The following LAPTM5 variants were observed in gnomAD, a reference collection of about 807,000 sequenced individuals.
The protein encoded by LAPTM5 is lysosomal-associated transmembrane protein 5.
LAPTM5 carries 11 observed loss-of-function variants against 30.1 expected under a neutral mutation model. The observed-to-expected ratio is 0.37, with a 90% CI of 0.23 to 0.60. The LOEUF is 0.60. Ranked by LOEUF, LAPTM5 falls within the 20% of genes least tolerant of loss-of-function variation. The probability of loss-of-function intolerance (pLI) is 0.71; values close to 1 mark genes in which losing one functional copy is unlikely to be tolerated. For missense variants in LAPTM5, 324 were observed against 332.5 expected, an observed-to-expected ratio of 0.97 and a Z score of 0.20; for synonymous variants, 151 against 137.9, an observed-to-expected ratio of 1.10 and a Z score of -0.67.
intron 1 of LAPTM5, among the ~76,000 whole-genome samples, chr1:30,755,453 TG>T (rs1270061840): frequency 6.6e-6 from 1 of 152,100 alleles, no homozygotes; most frequent in Non-Finnish European, 1.5e-5. Flanking sequence ...GTCTCTATTG[TG>T]TCCCTGTAGA....
chr1:30,737,493 G>C (rs552879897), intron 6 of LAPTM5, 111 bp downstream of exon 6: 5 of 692,886 alleles, frequency 7.2e-6, no homozygotes, highest in African/African-American at 1.8e-5. Flanking sequence ...AAGCAGGAGA[G>C]GAGGCATGGA....
chr1:30,738,521 A>G (rs1165879272), intron 5 of LAPTM5, among the ~76,000 whole-genome samples: 1 of 152,216 alleles, frequency 6.6e-6, no homozygotes, highest in Non-Finnish European at 1.5e-5. Flanking sequence ...CCTGAGTCAG[A>G]AGAACCCAGC....
Position 30,738,954 on chromosome 1 carries a change from A to C in LAPTM5, c.496T>G (p.Ser166Ala). ...CCCAGACTCACCATGTGGTTCATGG[A>C]CTTGAAGTTGAGATAGGTGGGCACT... is the stretch of plus-strand genomic sequence containing the variant. ...MEVPTYLNFK[S>A]MNHMNYLPSQ... Residue 166 changes from serine to alanine, a missense_variant, in exon 5 of 8, where the codon TCC (serine) becomes GCC (alanine). Transcript: ENST00000294507. 6.2e-7 allele frequency: 1 copy of C among 1,605,582 alleles called. No homozygotes were observed. Among genetic ancestry groups the C allele is most frequent in the Non-Finnish European group, 8.5e-7 (1 of 1,176,598 alleles).
chr1:30,743,795 G>GTTTTTTTTTTT (rs756356075), intron 1 of LAPTM5, among the ~76,000 whole-genome samples: 3 of 107,858 alleles, frequency 2.8e-5, no homozygotes. Context: ...GACTGTGTGG[G>GTTTTTTTTTTT]TTTTTTTTTT....
At position 30,733,270 on chromosome 1, in the gene LAPTM5, A is replaced by T. The variant is rs1476471768; in HGVS notation, c.*558T>A. ...CACTATTCTGTGTATTCTATTTATC[A>T]CTATTCTAAATGACTCATGGTTGGC... On this transcript the variant is annotated 3_prime_UTR_variant, in exon 8 of 8. Coordinates refer to ENST00000294507, the MANE Select transcript of LAPTM5 (RefSeq NM_006762.3). 1 of 219,142 alleles carries T rather than the reference A, an allele frequency of 4.6e-6. No individual in the cohort carries two copies. The highest frequency in any genetic ancestry group is 9.4e-6 in the Non-Finnish European group (1 of 106,490). 13.6% of individuals were successfully genotyped at this position (219,142 alleles called of 1,614,324 possible).
At chr1:30,750,179 G>A (rs1031000223) in intron 1 of LAPTM5, among the ~76,000 whole-genome samples, 1 of 152,138 alleles carries the variant, frequency 6.6e-6, no homozygotes, top group Non-Finnish European at 1.5e-5. Context: ...GCAGCCAGTG[G>A]GGGGCTCAGA....
In LAPTM5 at chr1:30,745,589, G is replaced by A. The variant is rs116992015; in HGVS notation, c.88-3040C>T. 4.1e-3 allele frequency among the ~76,000 whole-genome samples: 628 copies of A among 152,292 alleles called. 10 individuals are homozygous for A. The East Asian group carries it at 0.048, about 12-fold the overall frequency. On this transcript the variant is annotated intron_variant, in intron 1 of 7. Transcript: ENST00000294507. ...GAGGGAGGACTTTGTCCCCATTGCC[G>A]GATGGCTCACGAGACTCATAGAGGG...
At chr1:30,743,795 G>GTGTTTTT (rs1553127163) in intron 1 of LAPTM5, among the ~76,000 whole-genome samples, 1 of 107,860 alleles carries the variant, frequency 9.3e-6, no homozygotes, top group African/African-American at 3.7e-5. Flanking sequence ...GACTGTGTGG[G>GTGTTTTT]TTTTTTTTTT....
At chr1:30,752,720 T>C (rs937471227) in intron 1 of LAPTM5, among the ~76,000 whole-genome samples, 5 of 152,228 alleles carry the variant, frequency 3.3e-5, no homozygotes, top group Admixed American at 3.3e-4. Flanking sequence ...GAGTCAGGGC[T>C]GTATCCCGGC....
Position 30,735,217 on chromosome 1 carries a change from T to C in LAPTM5, c.655A>G (p.Met219Val), listed in dbSNP as rs1418897920. The C allele has an allele frequency of 5.0e-6, 8 of 1,613,882 alleles. No homozygotes were observed. Among genetic ancestry groups the C allele is most frequent in the Admixed American group, 3.3e-5 (2 of 60,002 alleles). Residue 219 changes from methionine (M) to valine (V), a missense_variant, in exon 7 of 8, where the codon ATG becomes GTG. Transcript: ENST00000294507. ...TTTCTCTTCTCCTCCACCGAGTTCA[T>C]GCACTTGATCAATCTGTAGCACCGC... ...VWRCYRLIKC[M>V]NSVEEKRNSK...
rs1640043399 is a variant in LAPTM5, at chr1:30,746,258, G to A, written c.88-3709C>T. 4 of 152,160 alleles carry A rather than the reference G, an allele frequency of 2.6e-5. No individual in the cohort carries two copies. The South Asian group carries it at 8.3e-4, about 32-fold the overall frequency. The allele number at this position is 152,160 out of a possible 1,614,324, so 9.4% of individuals were successfully genotyped here. On this transcript the variant is annotated intron_variant, in intron 1 of 7. Coordinates refer to ENST00000294507, the MANE Select transcript of LAPTM5 (RefSeq NM_006762.3). The surrounding 1 kb of genome is among the most constrained non-coding windows in gnomAD (Gnocchi z 4.0). ...AGAACGCAGGAGGGTCAGTGGGGTG[G>A]AGCTCCTACACACTGTAGGACATCT...
chr1:30,737,781 C>A, intron 5 of LAPTM5, 82 bp from the exon 6 acceptor site: 1 of 872,406 alleles, frequency 1.1e-6, no homozygotes, highest in African/African-American at 1.7e-5. Context: ...AATAATGATC[C>A]CACCCTCCAC....
chr1:30,735,315 G>C (rs116352948), intron 6 of LAPTM5, 50 bp from the exon 7 acceptor site: 5 of 1,464,522 alleles, frequency 3.4e-6, no homozygotes, highest in Non-Finnish European at 4.8e-6. Context: ...TCCTTCTCAC[G>C]CTCCAGCAGG....
At chr1:30,750,953 C>T (rs965513040) in intron 1 of LAPTM5, among the ~76,000 whole-genome samples, 2 of 152,234 alleles carry the variant, frequency 1.3e-5, no homozygotes, top group Non-Finnish European at 2.9e-5. Flanking sequence ...TTAGGGGGTG[C>T]TTTGTGCCAC....
At chr1:30,741,789 T>A in intron 2 of LAPTM5, 73 bp from the exon 3 acceptor site, 17 of 1,105,824 alleles carry the variant, frequency 1.5e-5, no homozygotes, top group Non-Finnish European at 2.2e-5. Flanking sequence ...AGGACCACAC[T>A]TGGGGAACCA....
rs772510247 is a variant in LAPTM5 at position 30,742,449 on chromosome 1, GACCT to G, written c.181+3_181+6del. ...CCCGCCACTCCACCGGCGTCCCCTG[GACCT>G]ACCGATCCTGAGGTAGCCCATCTGG... On this transcript the variant is annotated splice_donor_5th_base_variant and intron_variant, in intron 2 of 7. Coordinates refer to ENST00000294507, the MANE Select transcript of LAPTM5 (RefSeq NM_006762.3). 5.0e-6 allele frequency: 8 copies of G among 1,609,242 alleles called. No homozygotes were observed.
At position 30,739,037 on chromosome 1, in the gene LAPTM5, G is replaced by A. The variant is rs200810512; in HGVS notation, c.413C>T (p.Thr138Met). 109 of 1,600,942 alleles carry A rather than the reference G, an allele frequency of 6.8e-5. 1 individual carries two copies. Among genetic ancestry groups the A allele is most frequent in the Non-Finnish European group, 8.1e-5 (95 of 1,173,346 alleles). ...CAGGCAGAAGTCCAGCAGCTGCAGC[G>A]TCATCAGGGGGAACTTGGAGGAGCT... is the stretch of plus-strand genomic sequence containing the variant. ...RASSSKFPLM[T>M]LQLLDFCLSI... The change falls in exon 5 of 8, where the codon ACG (threonine) becomes ATG (methionine). Residue 138 changes from threonine (T) to methionine (M), a missense_variant. Transcript: ENST00000294507. This position sits in a 1 kb window ranked among gnomAD's most constrained non-coding sequence, Gnocchi z 4.2.
At chr1:30,734,801 G>A (rs915939525) in intron 7 of LAPTM5, among the ~76,000 whole-genome samples, 2 of 152,166 alleles carry the variant, frequency 1.3e-5, no homozygotes, top group African/African-American at 4.8e-5. Context: ...CTCCAGGAAG[G>A]CTTCCCTGAT....
At position 30,739,322 on chromosome 1, in the gene LAPTM5, A is replaced by G. The variant is rs922901063; in HGVS notation, c.388-260T>C. On this transcript the variant is annotated intron_variant, in intron 4 of 7. Transcript: ENST00000294507. The surrounding 1 kb of genome is among the most constrained non-coding windows in gnomAD (Gnocchi z 4.2). ...GTAGCCCCCCGGTCTCTTCAAGGACAACAGTTGGGGAGAGTGAGAAAAGCA... is the reference window on the plus strand; with the variant it reads ...GTAGCCCCCCGGTCTCTTCAAGGACGACAGTTGGGGAGAGTGAGAAAAGCA... The G allele has an allele frequency of 1.6e-4, 62 of 386,078 alleles. No individual in the cohort carries two copies. The highest frequency in any genetic ancestry group is 1.2e-3 in the African/African-American group (58 of 48,786). The allele number at this position is 386,078 out of a possible 1,614,324, so 23.9% of individuals were successfully genotyped here.
Sources: allele counts gnomAD v4.1 joint callset (sites outside exome capture counted in the v4.1 genomes callset), GRCh38; gene constraint gnomAD v4.1.1; non-coding constraint Gnocchi (gnomAD v3.1); transcripts MANE v1.5; gene names NCBI Gene and HGNC (gene_info 2026-07-23, HGNC 2026-07-21).